LAMA3: variants seen among roughly 807,000 people sequenced by gnomAD.
LAMA3 encodes the protein laminin subunit alpha-3.
In LAMA3, 281 loss-of-function variants were observed where a neutral mutation model predicts 402.0. That is an observed-to-expected ratio of 0.70 (90% CI 0.63 to 0.77). The LOEUF (loss-of-function observed/expected upper bound fraction) is 0.77, where lower values mean the gene tolerates loss of function less well. Among genes scored for constraint, LAMA3 ranks in the 30% least tolerant of loss-of-function variants. The pLI, the probability that LAMA3 is intolerant of heterozygous loss-of-function variation, is 0.00. For missense variants in LAMA3, 3,840 were observed against 4,215.5 expected (o/e 0.91, Z 2.47); for synonymous variants, 1,431 against 1,558.4 (o/e 0.92, Z 1.93).
rs199659074 is a variant in LAMA3, at chr18:23,916,540, A to C, written c.7779-11A>C. On this transcript the variant is annotated splice_polypyrimidine_tract_variant and intron_variant, in intron 59 of 74. Transcript: ENST00000313654. Reference sequence around the variant, plus strand: ...TGCTGTGTTCTAATTTATGATGATTAATGTTGACAGGAGGAAGGAAGAGTC... The same window carrying C: ...TGCTGTGTTCTAATTTATGATGATTCATGTTGACAGGAGGAAGGAAGAGTC... 1.9e-5 allele frequency: 30 copies of C among 1,613,824 alleles called. No individual in the cohort carries two copies. In the East Asian group the frequency reaches 6.5e-4, roughly 35 times the overall value.
chr18:23,802,108 G>A (rs968872209), intron 12 of LAMA3, among the ~76,000 whole-genome samples: 3 of 152,192 alleles, frequency 2.0e-5, no homozygotes, highest in African/African-American at 4.8e-5. Context: ...AACTTTTTGA[G>A]TGCTGACACG....
intron 32 of LAMA3, among the ~76,000 whole-genome samples, chr18:23,848,668 G>A (rs990582884): frequency 2.0e-5 from 3 of 152,180 alleles, no homozygotes; most frequent in Admixed American, 6.5e-5. Context: ...CTGGGGACAG[G>A]CCTCAGTGAC....
chr18:23,741,191 C>T (rs1250198933), intron 2 of LAMA3, among the ~76,000 whole-genome samples: 1 of 151,984 alleles, frequency 6.6e-6, no homozygotes, highest in Non-Finnish European at 1.5e-5. Flanking sequence ...GATCTCCTGA[C>T]CTTGTGATCC....
At chr18:23,872,031 A>G (rs2064539297) in intron 38 of LAMA3, among the ~76,000 whole-genome samples, 1 of 152,232 alleles carries the variant, frequency 6.6e-6, no homozygotes, top group African/African-American at 2.4e-5. Context: ...TCTGATCACT[A>G]AACGTTGTAT....
chr18:23,937,715 G>T (rs2082355939), intron 67 of LAMA3, among the ~76,000 whole-genome samples: 1 of 152,196 alleles, frequency 6.6e-6, no homozygotes. Context: ...CCAGGCAGGA[G>T]CCCAGGCTGG....
chr18:23,898,263 C>G (rs2080944920), intron 44 of LAMA3: 1 of 168,320 alleles, frequency 5.9e-6, no homozygotes, highest in South Asian at 1.5e-4. Context: ...TCCATTTTCT[C>G]AGTTGCAATA....
Position 23,943,808 on chromosome 18 carries a change from T to G in LAMA3, c.9047T>G (p.Met3016Arg), listed in dbSNP as rs776216338. 2 of 1,613,996 alleles carry G rather than the reference T, an allele frequency of 1.2e-6. No individual in the cohort carries two copies. Among genetic ancestry groups the G allele is most frequent in the Non-Finnish European group, 1.7e-6 (2 of 1,179,854 alleles). ...LKPRSQFAVD[M>R]QTTSSRGLVF... ...AACAGGTCACAGTTTGCTGTGGACATGCAGACAACATCCTCCAGAGGACTG... is the reference window on the plus strand; with the variant it reads ...AACAGGTCACAGTTTGCTGTGGACAGGCAGACAACATCCTCCAGAGGACTG... Residue 3016 changes from methionine (M) to arginine (R), a missense_variant, in exon 69 of 75, where the codon ATG becomes AGG. Physicochemically the swap from Met to Arg is moderately conservative, Grantham distance 91 (BLOSUM62 -1). Transcript: ENST00000313654.
intron 10 of LAMA3, 83 bp from the exon 11 acceptor site, chr18:23,777,474 T>A (rs2062347100): frequency 2.2e-6 from 2 of 924,222 alleles, no homozygotes. Flanking sequence ...ACAGAGGGTG[T>A]CTTCCTAGTT....
chr18:23,721,290 T>A (rs886064329), intron 2 of LAMA3, among the ~76,000 whole-genome samples: 1 of 152,232 alleles, frequency 6.6e-6, no homozygotes, highest in African/African-American at 2.4e-5. Context: ...TCTCATCATG[T>A]CCAAACACAG....
intron 51 of LAMA3, 84 bp from the exon 52 acceptor site, chr18:23,905,438 G>C (rs1014656894): frequency 1.3e-6 from 1 of 799,512 alleles, no homozygotes; most frequent in Non-Finnish European, 2.2e-6. Context: ...TTAAAATTAA[G>C]GGCTTCAGAC....
chr18:23,889,565 AAAAG>A (rs1218218139), intron 41 of LAMA3, among the ~76,000 whole-genome samples: 4 of 151,408 alleles, frequency 2.6e-5, no homozygotes, highest in African/African-American at 9.7e-5. Context: ...GTCAAGAAAG[AAAAG>A]AAAGAAAGAA....
chr18:23,831,807 G>A lies in LAMA3; in HGVS notation c.2824-2021G>A, dbSNP rs368683248. Among the ~76,000 whole-genome samples the A allele has an allele frequency of 2.6e-5, 4 of 152,136 alleles. No homozygotes were observed. The East Asian group carries it at 5.8e-4, about 22-fold the overall frequency. On this transcript the variant is annotated intron_variant, in intron 23 of 74. Coordinates refer to ENST00000313654, the MANE Select transcript of LAMA3 (RefSeq NM_198129.4). ...TAGTTATCCCTTTTAGTTTGTATAGGCAACAGATTTGATAAACCCACTTTC... is the reference window on the plus strand; with the variant it reads ...TAGTTATCCCTTTTAGTTTGTATAGACAACAGATTTGATAAACCCACTTTC...
At position 23,902,974 on chromosome 18, in the gene LAMA3, A is replaced by G. The variant is rs747497230; in HGVS notation, c.6202-35A>G. On this transcript the variant is annotated intron_variant, in intron 48 of 74. Transcript: ENST00000313654. ...TGTCTATGCCTTCTGATAATATATC[A>G]TAGAGCTCAAGCAATTTTTTTTTAT... 6 of 1,250,226 alleles carry G rather than the reference A, an allele frequency of 4.8e-6. No homozygotes were observed. In the African/African-American group the frequency reaches 7.4e-5, roughly 15 times the overall value. The allele number at this position is 1,250,226 out of a possible 1,614,324, so 77.4% of individuals were successfully genotyped here.
At chr18:23,729,929 G>A (rs1336861578) in intron 2 of LAMA3, among the ~76,000 whole-genome samples, 1 of 152,228 alleles carries the variant, frequency 6.6e-6, no homozygotes, top group South Asian at 2.1e-4. Flanking sequence ...CTCATGGCCC[G>A]TGTGGGTGTT....
chr18:23,842,902 CAATAAATA>C, intron 29 of LAMA3, 152 bp downstream of exon 29: 1 of 961,792 alleles, frequency 1.0e-6, no homozygotes, highest in Non-Finnish European at 1.6e-6. Flanking sequence ...TTTTACCCCC[CAATAAATA>C]AATAAATAAA....
At chr18:23,883,432 G>A (rs761162833) in intron 40 of LAMA3, among the ~76,000 whole-genome samples, 4 of 152,192 alleles carry the variant, frequency 2.6e-5, no homozygotes, top group Non-Finnish European at 5.9e-5. Context: ...TGAAGCAAGA[G>A]TTGTTCTGAA....
intron 36 of LAMA3, among the ~76,000 whole-genome samples, chr18:23,867,076 G>T (rs1226674845): frequency 6.6e-6 from 1 of 152,112 alleles, no homozygotes; most frequent in South Asian, 2.1e-4. Flanking sequence ...GGTCCCACAG[G>T]GGGAGGCAGC....
In LAMA3 at chr18:23,846,284, TC is replaced by T. The variant is rs768536937; in HGVS notation, c.3720-12del. 6.2e-7 allele frequency: 1 copy of T among 1,613,986 alleles called. No homozygotes were observed. On this transcript the variant is annotated splice_polypyrimidine_tract_variant and intron_variant, in intron 30 of 74. Coordinates refer to ENST00000313654, the MANE Select transcript of LAMA3 (RefSeq NM_198129.4). ...TCCCCAGGCATCACCATGAGTTGTTTCTGTCTCCACAGCCCCCAGACAGCCT... is the reference window on the plus strand; with the variant it reads ...TCCCCAGGCATCACCATGAGTTGTTTTGTCTCCACAGCCCCCAGACAGCCT...
chr18:23,858,115 G>A, intron 33 of LAMA3, 127 bp downstream of exon 33: 1 of 1,102,334 alleles, frequency 9.1e-7, no homozygotes, highest in Non-Finnish European at 1.3e-6. Context: ...AGTGTATGTA[G>A]CATTTTATAG....
Sources: gnomAD v4.1 joint callset for allele counts (sites outside exome capture counted in the v4.1 genomes callset) on GRCh38, gnomAD v4.1.1 for gene constraint, MANE v1.5 for transcripts, NCBI Gene and HGNC (gene_info 2026-07-23, HGNC 2026-07-21) for gene names.